Variants in ABHD3 observed in about 807,000 individuals in gnomAD.
ABHD3 encodes abhydrolase domain containing 3, phospholipase, also known as phospholipase ABHD3.
A neutral mutation model predicts 48.8 loss-of-function variants in ABHD3; 46 were observed. The ratio of observed to expected loss-of-function variants is 0.94; its 90% confidence interval spans 0.74 to 1.20. The LOEUF (loss-of-function observed/expected upper bound fraction) is 1.20, where lower values mean the gene tolerates loss of function less well. Among genes scored for constraint, ABHD3 ranks in the 50% most tolerant of loss-of-function variants. The probability of loss-of-function intolerance (pLI) is 0.00; values close to 1 mark genes in which losing one functional copy is unlikely to be tolerated. For missense variants in ABHD3, 490 were observed against 497.8 expected, an observed-to-expected ratio of 0.98 and a Z score of 0.15; for synonymous variants, 192 against 183.7, an observed-to-expected ratio of 1.04 and a Z score of -0.36.
Position 21,653,077 on chromosome 18 carries a change from A to AAAAAAAAAAAAAG in ABHD3, c.1058-1315_1058-1314insCTTTTTTTTTTTT, listed in dbSNP as rs772523934. 6.7e-4 allele frequency among the ~76,000 whole-genome samples: 51 copies of AAAAAAAAAAAAAG among 76,150 alleles called. 14 individuals are homozygous for AAAAAAAAAAAAAG. The highest frequency in any genetic ancestry group is 1.8e-3 in the African/African-American group (26 of 14,276). The allele number at this position is 76,150 out of a possible 152,430, so 50.0% of individuals were successfully genotyped here. A position where few individuals can be genotyped will look rare whatever the true frequency, so the allele number is the denominator to read the frequency against. ...CAAAAAAAAAAAAAAAAAAAAAAAA[A>AAAAAAAAAAAAAG]AAAGAGCTGGGTGTGGTGGCTCACG... is the stretch of plus-strand genomic sequence containing the variant. On this transcript the variant is annotated intron_variant, in intron 8 of 8. Coordinates refer to ENST00000289119, the MANE Select transcript of ABHD3 (RefSeq NM_138340.5).
At chr18:21,702,559 A>G (rs201088689) in intron 2 of ABHD3, 61 bp from the exon 3 acceptor site, 6 of 870,280 alleles carry the variant, frequency 6.9e-6, no homozygotes, top group South Asian at 2.3e-5. Flanking sequence ...TCTTAATTTT[A>G]ATTCTAAACA....
chr18:21,664,000 A>C, intron 5 of ABHD3, 118 bp downstream of exon 5: 16 of 1,438,014 alleles, frequency 1.1e-5, no homozygotes. Context: ...AAATATGATA[A>C]ACATAATCAG....
chr18:21,667,234 C>CT lies in ABHD3; in HGVS notation c.556-3005dup, dbSNP rs745430805. Among the ~76,000 whole-genome samples, 156 of 81,462 alleles carry CT rather than the reference C, an allele frequency of 1.9e-3. 13 individuals are homozygous for CT. Among genetic ancestry groups the CT allele is most frequent in the East Asian group, 4.2e-3 (10 of 2,382 alleles). 53.4% of individuals were successfully genotyped at this position (81,462 alleles called of 152,430 possible). A position where few individuals can be genotyped will look rare whatever the true frequency, so the allele number is the denominator to read the frequency against. On this transcript the variant is annotated intron_variant, in intron 4 of 8. Coordinates refer to ENST00000289119, the MANE Select transcript of ABHD3 (RefSeq NM_138340.5). ...GATTACAGGCGCCCACCACCACACCCTTTTTTTTTTTTTTTTTTTTTTTTT... is the reference window on the plus strand; with the variant it reads ...GATTACAGGCGCCCACCACCACACCCTTTTTTTTTTTTTTTTTTTTTTTTTT...
At chr18:21,678,797 C>T (rs2039945013) in intron 4 of ABHD3, among the ~76,000 whole-genome samples, 1 of 152,138 alleles carries the variant, frequency 6.6e-6, no homozygotes, top group Non-Finnish European at 1.5e-5. Context: ...GAGACTAGGA[C>T]TGTCTGTCTC....
chr18:21,652,835 A>T (rs1401221582), intron 8 of ABHD3, among the ~76,000 whole-genome samples: 1 of 151,006 alleles, frequency 6.6e-6, no homozygotes, highest in Non-Finnish European at 1.5e-5. Context: ...CAGGTGGATG[A>T]CCAGGTTAGG....
chr18:21,673,351 T>C (rs543628653), intron 4 of ABHD3, among the ~76,000 whole-genome samples: 2 of 152,346 alleles, frequency 1.3e-5, no homozygotes, highest in African/African-American at 4.8e-5. Flanking sequence ...TGGAGTGCAG[T>C]GGCACGATCT....
chr18:21,689,686 C>T (rs1395001757), intron 3 of ABHD3, among the ~76,000 whole-genome samples: 10 of 150,710 alleles, frequency 6.6e-5, no homozygotes, highest in Non-Finnish European at 1.0e-4. Flanking sequence ...AGAGAAAGAG[C>T]AGTAAATTCT....
At chr18:21,687,176 C>G (rs2040146305) in intron 3 of ABHD3, among the ~76,000 whole-genome samples, 1 of 151,650 alleles carries the variant, frequency 6.6e-6, no homozygotes, top group Non-Finnish European at 1.5e-5. Flanking sequence ...TCCTGAAGTT[C>G]TGGGATTACA....
Position 21,689,549 on chromosome 18 carries a change from CAAAAAAAAAAAA to C in ABHD3, c.510-5596_510-5585del, listed in dbSNP as rs36011228. 4.8e-4 allele frequency among the ~76,000 whole-genome samples: 20 copies of C among 41,812 alleles called. 1 individual carries two copies. The highest frequency in any genetic ancestry group is 0.024 in the Middle Eastern group (1 of 42). The allele number at this position is 41,812 out of a possible 152,430, so 27.4% of individuals were successfully genotyped here. A position where few individuals can be genotyped will look rare whatever the true frequency, so the allele number is the denominator to read the frequency against. On this transcript the variant is annotated intron_variant, in intron 3 of 8. Transcript: ENST00000289119. ...GGGCAACAAGGGTGAAATCTGGTCT[CAAAAAAAAAAAA>C]AAAAAAAAAAAAAGGGAAATGCTCA...
At chr18:21,661,390 C>A (rs1474333001) in intron 5 of ABHD3, among the ~76,000 whole-genome samples, 1 of 152,078 alleles carries the variant, frequency 6.6e-6, no homozygotes, top group Non-Finnish European at 1.5e-5. Flanking sequence ...GTAATCCCAG[C>A]ACTTTGGGAG....
At chr18:21,681,390 T>C (rs1196495882) in intron 4 of ABHD3, among the ~76,000 whole-genome samples, 1 of 152,158 alleles carries the variant, frequency 6.6e-6, no homozygotes, top group Admixed American at 6.6e-5. Context: ...ACAATACGAC[T>C]AATACTATTT....
chr18:21,699,425 A>C (rs559459627), intron 3 of ABHD3, among the ~76,000 whole-genome samples: 1 of 152,290 alleles, frequency 6.6e-6, no homozygotes, highest in South Asian at 2.1e-4. Flanking sequence ...AATGACTTAG[A>C]TCATTTTGGT....
chr18:21,678,027 C>T (rs1355451869), intron 4 of ABHD3, among the ~76,000 whole-genome samples: 1 of 152,056 alleles, frequency 6.6e-6, no homozygotes, highest in African/African-American at 2.4e-5. Flanking sequence ...ACAAACACAG[C>T]TCACTGCAGC....
At chr18:21,656,713 T>C in intron 8 of ABHD3, 148 bp downstream of exon 8, 2 of 748,844 alleles carry the variant, frequency 2.7e-6, no homozygotes, top group South Asian at 2.3e-5. Flanking sequence ...ATTTAAGTGA[T>C]TTGAGACATT....
At chr18:21,659,761 CT>C (rs1244100577) in intron 5 of ABHD3, among the ~76,000 whole-genome samples, 1 of 151,996 alleles carries the variant, frequency 6.6e-6, no homozygotes, top group Non-Finnish European at 1.5e-5. Flanking sequence ...CTCCACCCCC[CT>C]GGTTCAAGCG....
intron 4 of ABHD3, among the ~76,000 whole-genome samples, chr18:21,665,718 A>C (rs1163355575): frequency 6.6e-6 from 1 of 151,430 alleles, no homozygotes; most frequent in Non-Finnish European, 1.5e-5. Flanking sequence ...AGGCTGAGGC[A>C]GGAGAATGGC....
chr18:21,663,712 G>T, intron 5 of ABHD3: 4 of 1,535,594 alleles, frequency 2.6e-6, no homozygotes, highest in Non-Finnish European at 2.6e-6. Flanking sequence ...CACTGCAGCT[G>T]GAGAGAGCAA....
intron 4 of ABHD3, among the ~76,000 whole-genome samples, chr18:21,674,483 A>C (rs951948444): frequency 4.6e-5 from 7 of 152,126 alleles, no homozygotes; most frequent in Non-Finnish European, 1.0e-4. Context: ...CCTGGGCTCA[A>C]GTGATCCTCC....
At chr18:21,666,279 T>A (rs1255221337) in intron 4 of ABHD3, among the ~76,000 whole-genome samples, 1 of 152,140 alleles carries the variant, frequency 6.6e-6, no homozygotes, top group Non-Finnish European at 1.5e-5. Context: ...CTGCAACCTC[T>A]GCCTCGCGGG....
Sources: gnomAD v4.1 joint callset for allele counts (sites outside exome capture counted in the v4.1 genomes callset) on GRCh38, gnomAD v4.1.1 for gene constraint, MANE v1.5 for transcripts, NCBI Gene and HGNC (gene_info 2026-07-23, HGNC 2026-07-21) for gene names.